Variants in RBM47 observed in about 807,000 individuals in gnomAD.
RBM47 encodes the protein RNA-binding protein 47.
A neutral mutation model predicts 47.1 loss-of-function variants in RBM47; 21 were observed. That is an observed-to-expected ratio of 0.45 (90% CI 0.32 to 0.64). The LOEUF (loss-of-function observed/expected upper bound fraction) is 0.64, where lower values mean the gene tolerates loss of function less well. Among genes scored for constraint, RBM47 ranks in the 30% least tolerant of loss-of-function variants. The pLI is 0.05. For synonymous variants in RBM47, 375 were observed against 361.7 expected (o/e 1.04, Z -0.42); for missense variants, 708 against 870.9 (o/e 0.81, Z 2.35).
chr4:40,507,560 G>A (rs1355255918), intron 2 of RBM47, among the ~76,000 whole-genome samples: 2 of 152,114 alleles, frequency 1.3e-5, no homozygotes, highest in South Asian at 2.1e-4. Context: ...AGGCCGAGGC[G>A]GATGGATCAT....
At chr4:40,490,255 T>C (rs1487305380) in intron 2 of RBM47, among the ~76,000 whole-genome samples, 1 of 151,716 alleles carries the variant, frequency 6.6e-6, no homozygotes, top group Non-Finnish European at 1.5e-5. Flanking sequence ...TATGCAACAT[T>C]GTACTTGTTT....
At chr4:40,547,043 G>A (rs1011120088) in intron 1 of RBM47, among the ~76,000 whole-genome samples, 5 of 152,160 alleles carry the variant, frequency 3.3e-5, no homozygotes, top group Admixed American at 2.0e-4. Context: ...GTTTGAGCAG[G>A]TGCATATTAT....
At chr4:40,474,545 T>A (rs1719343240) in intron 2 of RBM47, among the ~76,000 whole-genome samples, 1 of 152,254 alleles carries the variant, frequency 6.6e-6, no homozygotes, top group African/African-American at 2.4e-5. Context: ...AATTCTTGGA[T>A]ATTTAATACT....
At chr4:40,507,082 G>A (rs1025651087) in intron 2 of RBM47, among the ~76,000 whole-genome samples, 14 of 152,038 alleles carry the variant, frequency 9.2e-5, no homozygotes, top group Admixed American at 1.3e-4. Context: ...TCAGCCTCCC[G>A]AGTAGCTGGG....
intron 2 of RBM47, among the ~76,000 whole-genome samples, chr4:40,505,681 T>C (rs1362379809): frequency 6.7e-6 from 1 of 150,324 alleles, no homozygotes; most frequent in Non-Finnish European, 1.5e-5. Flanking sequence ...AGGTCAGGAG[T>C]TCGAGACTAG....
intron 4 of RBM47, 51 bp from the exon 5 acceptor site, chr4:40,436,698 G>T: frequency 6.4e-7 from 1 of 1,567,552 alleles, no homozygotes; most frequent in African/African-American, 1.4e-5. Context: ...GACGGTGCTG[G>T]AGGCAGACCT....
chr4:40,524,778 G>A (rs957793082), intron 2 of RBM47, among the ~76,000 whole-genome samples: 3 of 152,144 alleles, frequency 2.0e-5, no homozygotes, highest in Admixed American at 6.6e-5. Flanking sequence ...ACGTCACCAC[G>A]CTCGGCTAAT....
At chr4:40,501,806 T>G (rs1723410546) in intron 2 of RBM47, among the ~76,000 whole-genome samples, 1 of 152,168 alleles carries the variant, frequency 6.6e-6, no homozygotes, top group South Asian at 2.1e-4. Context: ...CCAATACACT[T>G]TAATACACTA....
At chr4:40,536,985 C>A (rs1728053393) in intron 2 of RBM47, among the ~76,000 whole-genome samples, 1 of 152,008 alleles carries the variant, frequency 6.6e-6, no homozygotes, top group Non-Finnish European at 1.5e-5. Flanking sequence ...CCCAGCCTGC[C>A]TTTTCAGTTT....
intron 3 of RBM47, among the ~76,000 whole-genome samples, chr4:40,448,392 T>C (rs1483733354): frequency 6.6e-6 from 1 of 152,170 alleles, no homozygotes; most frequent in Admixed American, 6.5e-5. Flanking sequence ...TTTGAAGCTA[T>C]ATACAGTGGG....
intron 1 of RBM47, among the ~76,000 whole-genome samples, chr4:40,566,527 C>G (rs914142616): frequency 1.3e-5 from 2 of 151,950 alleles, no homozygotes; most frequent in African/African-American, 4.8e-5. Flanking sequence ...TGCCTGTAAT[C>G]CCAGCTACTC....
chr4:40,508,095 A>G (rs1000509001), intron 2 of RBM47, among the ~76,000 whole-genome samples: 18 of 152,228 alleles, frequency 1.2e-4, no homozygotes, highest in African/African-American at 4.3e-4. Context: ...TGCAGTACGT[A>G]AAACCTGAGC....
chr4:40,437,117 C>CATATATAT (rs767630676), intron 4 of RBM47, among the ~76,000 whole-genome samples: 1 of 53,288 alleles, frequency 1.9e-5, no homozygotes, highest in African/African-American at 1.1e-4. Flanking sequence ...ATATAAAATA[C>CATATATAT]ATATATATAT....
At chr4:40,464,890 C>CGAAA (rs1553884152) in intron 3 of RBM47, among the ~76,000 whole-genome samples, 1 of 32,082 alleles carries the variant, frequency 3.1e-5, no homozygotes, top group Non-Finnish European at 5.1e-5. Flanking sequence ...GACTCTGTCT[C>CGAAA]AAAAAAAAAA....
chr4:40,434,239 C>T (rs570873630), intron 5 of RBM47, among the ~76,000 whole-genome samples: 2 of 152,180 alleles, frequency 1.3e-5, no homozygotes, highest in African/African-American at 4.8e-5. Context: ...CCTGCCTTTC[C>T]AACCATATCT....
intron 1 of RBM47, among the ~76,000 whole-genome samples, chr4:40,607,519 C>A (rs1198358934): frequency 6.6e-6 from 1 of 152,122 alleles, no homozygotes; most frequent in Non-Finnish European, 1.5e-5. Context: ...CCAGCCTGTA[C>A]AACACAGTGG....
At chr4:40,545,019 C>T (rs1226485226) in intron 1 of RBM47, among the ~76,000 whole-genome samples, 1 of 149,812 alleles carries the variant, frequency 6.7e-6, no homozygotes, top group Non-Finnish European at 1.5e-5. Flanking sequence ...TATGATCGTG[C>T]ACTCCAGCCT....
At chr4:40,561,227 CTTTTTT>C (rs1176318537) in intron 1 of RBM47, among the ~76,000 whole-genome samples, 1 of 113,644 alleles carries the variant, frequency 8.8e-6, no homozygotes, top group African/African-American at 3.4e-5. Context: ...TTTCCATTGT[CTTTTTT>C]TTTTTTTTTT....
At chr4:40,440,333 G>C (rs1713430467) in intron 3 of RBM47, among the ~76,000 whole-genome samples, 1 of 152,034 alleles carries the variant, frequency 6.6e-6, no homozygotes, top group East Asian at 1.9e-4. Flanking sequence ...TAATTTACAT[G>C]GTGCTACTTT....
Sources: allele counts gnomAD v4.1 joint callset (sites outside exome capture counted in the v4.1 genomes callset), GRCh38; gene constraint gnomAD v4.1.1; transcripts MANE v1.5; gene names NCBI Gene and HGNC (gene_info 2026-07-23, HGNC 2026-07-21).